NR2C1: variants seen among roughly 807,000 people sequenced by gnomAD.
The protein encoded by NR2C1 is nuclear receptor subfamily 2 group C member 1, also known as TR2 nuclear hormone receptor.
In NR2C1, 33 loss-of-function variants were observed where a neutral mutation model predicts 74.8. The observed-to-expected ratio is 0.44, with a 90% confidence interval of 0.33 to 0.59. The LOEUF is 0.59. Ranked by LOEUF, NR2C1 falls within the 20% of genes least tolerant of loss-of-function variation. NR2C1 has a pLI of 0.02. For missense variants in NR2C1, 568 were observed against 715.6 expected (o/e 0.79, Z 2.35); for synonymous variants, 225 against 240.6 (o/e 0.94, Z 0.60).
At chr12:95,042,208 C>T (rs1871629689) in intron 9 of NR2C1, among the ~76,000 whole-genome samples, 3 of 149,188 alleles carry the variant, frequency 2.0e-5, no homozygotes, top group Non-Finnish European at 4.4e-5. Flanking sequence ...TCATCAGATT[C>T]TCAAAGGTAT....
chr12:95,037,873 C>T (rs546322943), intron 10 of NR2C1, among the ~76,000 whole-genome samples: 91 of 130,120 alleles, frequency 7.0e-4, no homozygotes, highest in African/African-American at 2.5e-3. Flanking sequence ...CCAGTCTGGG[C>T]GACAGAGCGA....
Position 95,057,544 on chromosome 12 carries a change from T to G in NR2C1, c.783+9A>C. ...AAATTATCTAAGCTTTAAATTGTAC[T>G]AAACACACCTTATCTGATGTCATCA... On this transcript the variant is annotated intron_variant, in intron 7 of 13. Coordinates refer to ENST00000333003, the MANE Select transcript of NR2C1 (RefSeq NM_003297.4). The G allele has an allele frequency of 6.3e-7, 1 of 1,585,504 alleles. No individual in the cohort carries two copies. Among genetic ancestry groups the G allele is most frequent in the Non-Finnish European group, 8.6e-7 (1 of 1,162,922 alleles).
intron 3 of NR2C1, 84 bp from the exon 4 acceptor site, chr12:95,060,068 G>A (rs552256326): frequency 1.8e-6 from 2 of 1,092,026 alleles, no homozygotes; most frequent in Admixed American, 2.9e-5. Flanking sequence ...AAAAATTAAA[G>A]AACATTCAGT....
At chr12:95,022,987 G>C (rs1868942225) in intron 13 of NR2C1, among the ~76,000 whole-genome samples, 1 of 151,830 alleles carries the variant, frequency 6.6e-6, no homozygotes, top group Non-Finnish European at 1.5e-5. Flanking sequence ...ATAAGCGTGA[G>C]CCATTGTGCC....
In NR2C1 at chr12:95,031,397, T is replaced by C. The variant is rs1302047743; in HGVS notation, c.1345A>G (p.Thr449Ala). 5.0e-6 allele frequency: 8 copies of C among 1,607,466 alleles called. No homozygotes were observed. The Admixed American group carries it at 1.4e-4, about 27-fold the overall frequency. ...CAATTGACAAATGTTGCTAATATAG[T>C]TGCTACATTCATCACTTGCCAGCAC... ...AQCWQVMNVA[T>A]ILATFVNCLH... The change falls in exon 11 of 14, where the codon ACT (threonine) becomes GCT (alanine). Residue 449 changes from threonine to alanine, a missense_variant. By Grantham distance (58) the Thr-to-Ala change is moderately conservative. This residue lies in a region of NR2C1 where 117 missense variants were observed against 186.7 expected (regional missense o/e 0.63). Coordinates refer to ENST00000333003, the MANE Select transcript of NR2C1 (RefSeq NM_003297.4).
chr12:95,061,640 G>A (rs956802027), intron 3 of NR2C1, among the ~76,000 whole-genome samples: 2 of 152,012 alleles, frequency 1.3e-5, no homozygotes, highest in African/African-American at 2.4e-5. Flanking sequence ...ACAAAATTTC[G>A]TGTTTTATGA....
chr12:95,049,343 G>T, intron 8 of NR2C1, 110 bp from the exon 9 acceptor site: 1 of 1,093,144 alleles, frequency 9.1e-7, no homozygotes, highest in Non-Finnish European at 1.3e-6. Flanking sequence ...GGCCAGGCTG[G>T]TCTAGAACTC....
chr12:95,041,009 G>A (rs570291477), intron 9 of NR2C1, among the ~76,000 whole-genome samples: 23 of 152,272 alleles, frequency 1.5e-4, no homozygotes, highest in African/African-American at 5.3e-4. Context: ...TGCTTACAAA[G>A]CCAGGAGAGT....
intron 2 of NR2C1, among the ~76,000 whole-genome samples, chr12:95,064,808 C>T (rs1174819333): frequency 6.6e-6 from 1 of 152,144 alleles, no homozygotes; most frequent in African/African-American, 2.4e-5. Flanking sequence ...TCCAAAATTC[C>T]AATCCTGTTC....
At chr12:95,047,563 G>A (rs1458102435) in intron 9 of NR2C1, among the ~76,000 whole-genome samples, 1 of 151,868 alleles carries the variant, frequency 6.6e-6, no homozygotes, top group African/African-American at 2.4e-5. Context: ...ACTTCTACTG[G>A]TATACATATT....
chr12:95,052,213 T>C (rs1041958895), intron 7 of NR2C1, among the ~76,000 whole-genome samples: 1 of 151,770 alleles, frequency 6.6e-6, no homozygotes, highest in Non-Finnish European at 1.5e-5. Context: ...TGGAGTGCCG[T>C]GGCATGATCT....
At chr12:95,039,762 G>T (rs1020788894) in intron 10 of NR2C1, among the ~76,000 whole-genome samples, 9 of 152,194 alleles carry the variant, frequency 5.9e-5, no homozygotes, top group African/African-American at 2.2e-4. Context: ...CTCTAGAGTA[G>T]CTGGAACTAC....
Position 95,051,955 on chromosome 12 carries a change from A to C in NR2C1, c.784-12T>G. ...TGACATGATTCAGCCTTTAAAAAAA[A>C]GGGTATTAAAATTCTGTGAATTGGT... On this transcript the variant is annotated splice_polypyrimidine_tract_variant and intron_variant, in intron 7 of 13. Coordinates refer to ENST00000333003, the MANE Select transcript of NR2C1 (RefSeq NM_003297.4). The C allele has an allele frequency of 6.5e-7, 1 of 1,544,444 alleles. No individual in the cohort carries two copies. Among genetic ancestry groups the C allele is most frequent in the Non-Finnish European group, 8.7e-7 (1 of 1,149,642 alleles).
Position 95,037,411 on chromosome 12 carries a change from T to C in NR2C1, c.1253+3065A>G, listed in dbSNP as rs536011297. Among the ~76,000 whole-genome samples the C allele has an allele frequency of 3.9e-5, 6 of 152,294 alleles. No individual in the cohort carries two copies. In the East Asian group the frequency reaches 1.2e-3, roughly 29 times the overall value. ...AACTGTATACTGACAATCAACACCT[T>C]TGTAAAATATAGAAGCCTTGTAAAA... is the stretch of plus-strand genomic sequence containing the variant. On this transcript the variant is annotated intron_variant, in intron 10 of 13. Transcript: ENST00000333003.
Position 95,064,310 on chromosome 12 carries a change from C to CA in NR2C1, c.55-1573dup, listed in dbSNP as rs1875287382. 2.3e-5 allele frequency among the ~76,000 whole-genome samples: 3 copies of CA among 133,230 alleles called. No homozygotes were observed. In the South Asian group the frequency reaches 7.2e-4, roughly 32 times the overall value. 87.4% of individuals were successfully genotyped at this position (133,230 alleles called of 152,430 possible). On this transcript the variant is annotated intron_variant, in intron 2 of 13. Transcript: ENST00000333003. The stretch of plus-strand genomic sequence containing the variant: ...CGCCAATGCACTCCAGCCTGGGTGA[C>CA]ACAGTGAGAGTCTGTCTCAAAAAAA...
intron 7 of NR2C1, among the ~76,000 whole-genome samples, chr12:95,056,809 A>T (rs1873958102): frequency 1.3e-5 from 2 of 152,014 alleles, no homozygotes; most frequent in Non-Finnish European, 2.9e-5. Context: ...ATACAAAAAA[A>T]TTAGCTGGGT....
chr12:95,026,031 C>G (rs545968827), intron 12 of NR2C1, among the ~76,000 whole-genome samples: 1 of 151,566 alleles, frequency 6.6e-6, no homozygotes, highest in Non-Finnish European at 1.5e-5. Context: ...CATGGTGAAA[C>G]CCCGTCTCTA....
chr12:95,072,468 A>AAAAG (rs1205556470), intron 1 of NR2C1, among the ~76,000 whole-genome samples: 2 of 150,692 alleles, frequency 1.3e-5, no homozygotes, highest in East Asian at 3.9e-4. Flanking sequence ...AAAAAAAAAA[A>AAAAG]AAAAAAGAAA....
intron 7 of NR2C1, among the ~76,000 whole-genome samples, chr12:95,052,667 G>A (rs1227642540): frequency 2.0e-5 from 3 of 151,870 alleles, no homozygotes; most frequent in Non-Finnish European, 2.9e-5. Context: ...TGCCCAGGCT[G>A]GTCTTGAACT....
Sources: allele counts gnomAD v4.1 joint callset (sites outside exome capture counted in the v4.1 genomes callset), GRCh38; gene constraint gnomAD v4.1.1; regional missense constraint gnomAD v4.1.1; transcripts MANE v1.5; gene names NCBI Gene and HGNC (gene_info 2026-07-23, HGNC 2026-07-21).